PLPPR1: variants seen among roughly 807,000 people sequenced by gnomAD.
PLPPR1 encodes phospholipid phosphatase-related protein type 1.
Under a neutral mutation model 33.1 loss-of-function variants are expected in PLPPR1, and 10 were observed. The ratio of observed to expected loss-of-function variants is 0.30; its 90% CI spans 0.19 to 0.51. The LOEUF (loss-of-function observed/expected upper bound fraction) is 0.51. PLPPR1 is among the 20% of genes least tolerant of loss of function. The probability of loss-of-function intolerance (pLI) is 0.97; values close to 1 mark genes in which losing one functional copy is unlikely to be tolerated. For missense variants in PLPPR1, 304 were observed against 408.1 expected, an observed-to-expected ratio of 0.74 and a Z score of 2.20; for synonymous variants, 151 against 151.0, an observed-to-expected ratio of 1.00 and a Z score of 0.00.
chr9:101,182,236 G>A (rs1485677768), intron 1 of PLPPR1, among the ~76,000 whole-genome samples: 1 of 151,536 alleles, frequency 6.6e-6, no homozygotes, highest in Admixed American at 6.6e-5. Flanking sequence ...ACCAGTGGCT[G>A]GAAGAGGGGG....
At chr9:101,153,760 T>TTC (rs1386819320) in intron 1 of PLPPR1, among the ~76,000 whole-genome samples, 1 of 151,484 alleles carries the variant, frequency 6.6e-6, no homozygotes, top group Non-Finnish European at 1.5e-5. Context: ...TATTTTTTTT[T>TTC]TTTTAGTAGA....
At chr9:101,169,770 T>C (rs907493681) in intron 1 of PLPPR1, among the ~76,000 whole-genome samples, 3 of 152,068 alleles carry the variant, frequency 2.0e-5, no homozygotes, top group Admixed American at 1.3e-4. Context: ...GTCCCAGAGG[T>C]AGAATTCAAT....
At chr9:101,279,874 C>T (rs138527355) in intron 3 of PLPPR1, among the ~76,000 whole-genome samples, 1 of 151,988 alleles carries the variant, frequency 6.6e-6, no homozygotes, top group African/African-American at 2.4e-5. Flanking sequence ...AAACATCAAA[C>T]AAACAACATA....
intron 1 of PLPPR1, among the ~76,000 whole-genome samples, chr9:101,122,589 A>G (rs1831191793): frequency 6.6e-6 from 1 of 152,200 alleles, no homozygotes; most frequent in Admixed American, 6.5e-5. Flanking sequence ...TATATTCCCA[A>G]CGTTATCTGT....
At chr9:101,133,067 G>A (rs758215665) in intron 1 of PLPPR1, among the ~76,000 whole-genome samples, 3 of 152,066 alleles carry the variant, frequency 2.0e-5, no homozygotes, top group Non-Finnish European at 4.4e-5. Flanking sequence ...GTTCCAATTA[G>A]GAAACTTAGA....
intron 2 of PLPPR1, among the ~76,000 whole-genome samples, chr9:101,223,531 G>T (rs921295469): frequency 6.6e-6 from 1 of 152,130 alleles, no homozygotes; most frequent in African/African-American, 2.4e-5. Flanking sequence ...ATCTTGAATT[G>T]TAATCCCCAT....
chr9:101,322,774 T>C lies in PLPPR1; in HGVS notation c.946-1251T>C, dbSNP rs59475531. On this transcript the variant is annotated intron_variant, in intron 7 of 7. Transcript: ENST00000374874. ...ACAGGAGATTGTAATACTTTTCTCTTATTAATAAGCAAACAAAAATAGTAA... is the reference window on the plus strand; with the variant it reads ...ACAGGAGATTGTAATACTTTTCTCTCATTAATAAGCAAACAAAAATAGTAA... Among the ~76,000 whole-genome samples, 558 of 152,320 alleles carry C rather than the reference T, an allele frequency of 3.7e-3. 4 individuals carry two copies. Among genetic ancestry groups the C allele is most frequent in the African/African-American group, 0.013 (543 of 41,566 alleles).
At chr9:101,217,545 A>T (rs1003078191) in intron 2 of PLPPR1, among the ~76,000 whole-genome samples, 1 of 152,226 alleles carries the variant, frequency 6.6e-6, no homozygotes, top group South Asian at 2.1e-4. Context: ...TAAATTATAT[A>T]GTCACTTCTA....
chr9:101,065,158 T>C (rs1054501168), intron 1 of PLPPR1, among the ~76,000 whole-genome samples: 5 of 152,106 alleles, frequency 3.3e-5, no homozygotes, highest in African/African-American at 1.2e-4. Context: ...AAGGACTTAT[T>C]ATTACCAGGC....
At chr9:101,096,571 C>T (rs1460561496) in intron 1 of PLPPR1, among the ~76,000 whole-genome samples, 1 of 152,126 alleles carries the variant, frequency 6.6e-6, no homozygotes, top group Non-Finnish European at 1.5e-5. Context: ...TATCAAAGAT[C>T]AAAGTGAATA....
intron 1 of PLPPR1, among the ~76,000 whole-genome samples, chr9:101,152,077 A>G (rs1831595893): frequency 6.6e-6 from 1 of 152,146 alleles, no homozygotes; most frequent in Non-Finnish European, 1.5e-5. Flanking sequence ...CTGACTTTTT[A>G]ATGATCGCCA....
intron 1 of PLPPR1, among the ~76,000 whole-genome samples, chr9:101,182,136 AG>A (rs1352234317): frequency 1.3e-5 from 2 of 151,728 alleles, no homozygotes; most frequent in South Asian, 2.1e-4. Context: ...AAAATAAGCT[AG>A]GAACAGAAAG....
intron 1 of PLPPR1, among the ~76,000 whole-genome samples, chr9:101,088,861 A>G (rs1384283442): frequency 6.6e-6 from 1 of 152,212 alleles, no homozygotes. Context: ...TTTATAATGA[A>G]ATTACAACAT....
At chr9:101,316,801 A>G (rs1829061101) in intron 6 of PLPPR1, among the ~76,000 whole-genome samples, 1 of 152,162 alleles carries the variant, frequency 6.6e-6, no homozygotes, top group South Asian at 2.1e-4. Context: ...GGTAAGAGTT[A>G]AAGACCAGCT....
intron 4 of PLPPR1, among the ~76,000 whole-genome samples, chr9:101,289,785 T>A (rs1314342065): frequency 1.3e-5 from 2 of 152,256 alleles, no homozygotes; most frequent in Non-Finnish European, 1.5e-5. Context: ...TAAACCTCTT[T>A]GCTTTGTAAA....
At position 101,312,886 on chromosome 9, in the gene PLPPR1, C is replaced by T. The variant is rs1828983481; in HGVS notation, c.725C>T (p.Thr242Ile). 6.2e-7 allele frequency: 1 copy of T among 1,614,092 alleles called. No individual in the cohort carries two copies. Among genetic ancestry groups the T allele is most frequent in the Non-Finnish European group, 8.5e-7 (1 of 1,180,036 alleles). The change falls in exon 6 of 8, where the codon ACA (threonine) becomes ATA (isoleucine). Residue 242 changes from threonine (T) to isoleucine (I), a missense_variant. Transcript: ENST00000374874. Reference protein sequence around the residue: ...CLGTLCTAFLTGLNRVSEYRN... With the variant: ...CLGTLCTAFLIGLNRVSEYRN... ...GGAACTCTCTGCACAGCCTTCCTGA[C>T]AGGCCTCAACCGGGTCTCTGAGTAT...
intron 2 of PLPPR1, among the ~76,000 whole-genome samples, chr9:101,267,517 A>G (rs1828019223): frequency 6.6e-6 from 1 of 152,178 alleles, no homozygotes; most frequent in Non-Finnish European, 1.5e-5. Context: ...CAAAGTTGTG[A>G]TTGGAGATCC....
At chr9:101,319,216 G>T (rs779038612) in intron 7 of PLPPR1, among the ~76,000 whole-genome samples, 1 of 151,990 alleles carries the variant, frequency 6.6e-6, no homozygotes, top group East Asian at 1.9e-4. Flanking sequence ...TCACTCTTTC[G>T]CCCAGGCTGG....
At chr9:101,211,858 T>C (rs1288859508) in intron 2 of PLPPR1, among the ~76,000 whole-genome samples, 1 of 152,246 alleles carries the variant, frequency 6.6e-6, no homozygotes, top group African/African-American at 2.4e-5. Flanking sequence ...TTACATAAAT[T>C]GTTTTAATCC....
Sources: gnomAD v4.1 joint callset for allele counts (sites outside exome capture counted in the v4.1 genomes callset) on GRCh38, gnomAD v4.1.1 for gene constraint, MANE v1.5 for transcripts, NCBI Gene and HGNC (gene_info 2026-07-23, HGNC 2026-07-21) for gene names.